The following GRM3 variants were observed in gnomAD, a reference collection of about 807,000 sequenced individuals.
GRM3 encodes the protein metabotropic glutamate receptor 3.
GRM3 carries 26 observed loss-of-function variants against 70.5 expected under a neutral mutation model. That is an observed-to-expected ratio of 0.37 (90% CI 0.27 to 0.51). The LOEUF is 0.51. Among genes scored for constraint, GRM3 ranks in the 20% least tolerant of loss-of-function variants. GRM3 has a pLI of 0.93. For synonymous variants in GRM3, 443 were observed against 434.9 expected (o/e 1.02, Z -0.23); for missense variants, 859 against 1,123.8 (o/e 0.76, Z 3.37).
chr7:86,662,925 T>G (rs60358904), intron 1 of GRM3, among the ~76,000 whole-genome samples: 1,850 of 152,058 alleles, frequency 0.012, 32 homozygotes, highest in African/African-American at 0.042. Flanking sequence ...TTCTTATTTC[T>G]CTTGTAGTCT....
intron 2 of GRM3, among the ~76,000 whole-genome samples, chr7:86,767,928 C>T (rs1796647314): frequency 6.6e-6 from 1 of 151,978 alleles, no homozygotes; most frequent in Non-Finnish European, 1.5e-5. Flanking sequence ...AGGTCAGAAG[C>T]CACTTCTTAC....
intron 3 of GRM3, among the ~76,000 whole-genome samples, chr7:86,820,364 A>G (rs1423210568): frequency 2.0e-5 from 3 of 152,108 alleles, no homozygotes; most frequent in Admixed American, 6.6e-5. Context: ...GCTTGGGTAG[A>G]GAGGTGAGAG....
chr7:86,775,360 AT>A (rs1228330788), intron 2 of GRM3: 6 of 152,156 alleles, frequency 3.9e-5, no homozygotes, highest in African/African-American at 1.2e-4. Flanking sequence ...AGTAGGCTCC[AT>A]TTGTTTTAAA....
intron 3 of GRM3, among the ~76,000 whole-genome samples, chr7:86,824,848 C>T (rs990996603): frequency 6.7e-6 from 1 of 149,420 alleles, no homozygotes; most frequent in Non-Finnish European, 1.5e-5. Flanking sequence ...ATAGATACAC[C>T]CATAAGGTAT....
chr7:86,679,818 A>G (rs995851060), intron 1 of GRM3, among the ~76,000 whole-genome samples: 2 of 152,080 alleles, frequency 1.3e-5, no homozygotes, highest in African/African-American at 4.8e-5. Context: ...AAAAATAAGA[A>G]TCATTTCAGT....
rs2116413893 is a variant in GRM3 at position 86,765,057 on chromosome 7, G to A, written c.-89G>A. On this transcript the variant is annotated 5_prime_UTR_variant, in exon 2 of 6. Transcript: ENST00000361669. ...TGTTCCTCCCTTATTTGAAGGACAG[G>A]CCAAAGATCCAGTTTGGAAATGAGA... The A allele has an allele frequency of 6.7e-7, 1 of 1,498,960 alleles. No homozygotes were observed. The highest frequency in any genetic ancestry group is 8.8e-7 in the Non-Finnish European group (1 of 1,132,168). 92.9% of individuals were successfully genotyped at this position (1,498,960 alleles called of 1,614,324 possible).
chr7:86,795,400 G>A (rs957155105), intron 3 of GRM3, among the ~76,000 whole-genome samples: 4 of 151,542 alleles, frequency 2.6e-5, no homozygotes, highest in African/African-American at 9.7e-5. Context: ...ACCTATCAAC[G>A]CATCATCTAG....
At chr7:86,843,463 A>G (rs1798596880) in intron 4 of GRM3, among the ~76,000 whole-genome samples, 1 of 152,216 alleles carries the variant, frequency 6.6e-6, no homozygotes, top group African/African-American at 2.4e-5. Flanking sequence ...AGTCAGAAAA[A>G]AATTTCAAAG....
At chr7:86,820,918 A>T in intron 3 of GRM3, among the ~76,000 whole-genome samples, 1 of 152,192 alleles carries the variant, frequency 6.6e-6, no homozygotes, top group East Asian at 1.9e-4. Context: ...CCCAAGGTGG[A>T]GAAATGCAAA....
rs2116561648 is a variant in GRM3 at position 86,788,791 on chromosome 7, T to C, written c.1324+1675T>C. Among the ~76,000 whole-genome samples the C allele has an allele frequency of 2.0e-5, 3 of 152,354 alleles. No homozygotes were observed. In the East Asian group the frequency reaches 5.8e-4, roughly 29 times the overall value. On this transcript the variant is annotated intron_variant, in intron 3 of 5. Transcript: ENST00000361669. ...ATTCAGCACATACTCCCCATCAGAC[T>C]ACCCTTCAGGGTATTATTTATCTTT...
At chr7:86,715,304 A>G (rs1261348692) in intron 1 of GRM3, among the ~76,000 whole-genome samples, 1 of 152,068 alleles carries the variant, frequency 6.6e-6, no homozygotes, top group Admixed American at 6.6e-5. Flanking sequence ...GAAGTAGCAG[A>G]GAATAGTGCA....
chr7:86,864,404 T>C lies in GRM3; in HGVS notation c.*49T>C. On this transcript the variant is annotated 3_prime_UTR_variant, in exon 6 of 6. Coordinates refer to ENST00000361669, the MANE Select transcript of GRM3 (RefSeq NM_000840.3). Reference sequence around the variant, plus strand: ...GTGTTTTTAGACTGTTAGACAAAAGTGCTCACGTGCAGCTCCAGAATATGG... The same window carrying C: ...GTGTTTTTAGACTGTTAGACAAAAGCGCTCACGTGCAGCTCCAGAATATGG... 2 of 1,270,278 alleles carry C rather than the reference T, an allele frequency of 1.6e-6. No individual in the cohort carries two copies. Among genetic ancestry groups the C allele is most frequent in the Middle Eastern group, 3.7e-4 (2 of 5,426 alleles). The allele number at this position is 1,270,278 out of a possible 1,614,324, so 78.7% of individuals were successfully genotyped here.
chr7:86,780,817 T>G (rs1797034496), intron 2 of GRM3, among the ~76,000 whole-genome samples: 4 of 152,180 alleles, frequency 2.6e-5, no homozygotes. Flanking sequence ...AAGCACAGAC[T>G]GACAAATGAA....
intron 1 of GRM3, among the ~76,000 whole-genome samples, chr7:86,763,072 A>C (rs1486860272): frequency 6.6e-6 from 1 of 152,130 alleles, no homozygotes; most frequent in Non-Finnish European, 1.5e-5. Context: ...ATAGTAATTG[A>C]GATTGTGCAT....
chr7:86,758,185 T>C (rs1796393527), intron 1 of GRM3, among the ~76,000 whole-genome samples: 1 of 152,150 alleles, frequency 6.6e-6, no homozygotes, highest in Non-Finnish European at 1.5e-5. Flanking sequence ...TGAAATTATA[T>C]AAAAAGGGAC....
At chr7:86,720,797 A>G (rs1795442278) in intron 1 of GRM3, among the ~76,000 whole-genome samples, 1 of 152,088 alleles carries the variant, frequency 6.6e-6, no homozygotes, top group Non-Finnish European at 1.5e-5. Flanking sequence ...TCACTCATTC[A>G]TTTGTTCAAC....
At chr7:86,828,108 T>C (rs1382521148) in intron 3 of GRM3, among the ~76,000 whole-genome samples, 15 of 64,120 alleles carry the variant, frequency 2.3e-4, no homozygotes, top group African/African-American at 1.3e-3. Flanking sequence ...CAGAACTCCG[T>C]ATCAAAAAAA....
intron 5 of GRM3, among the ~76,000 whole-genome samples, chr7:86,853,384 G>A (rs1332690930): frequency 6.6e-6 from 1 of 152,146 alleles, no homozygotes; most frequent in Non-Finnish European, 1.5e-5. Context: ...CACTTTGGTA[G>A]AATTGAAGCA....
intron 3 of GRM3, among the ~76,000 whole-genome samples, chr7:86,824,882 T>A (rs949142846): frequency 4.6e-5 from 7 of 151,076 alleles, no homozygotes; most frequent in African/African-American, 1.7e-4. Context: ...TATAACCAAG[T>A]CAATTTTATC....
Sources: allele counts gnomAD v4.1 joint callset (sites outside exome capture counted in the v4.1 genomes callset), GRCh38; gene constraint gnomAD v4.1.1; transcripts MANE v1.5; gene names NCBI Gene and HGNC (gene_info 2026-07-23, HGNC 2026-07-21).